The following XKR9 variants were observed in gnomAD, a reference collection of about 807,000 sequenced individuals.
XKR9 encodes XK related 9, also known as XK-related protein 9.
A neutral mutation model predicts 32.0 loss-of-function variants in XKR9; 32 were observed. The ratio of observed to expected loss-of-function variants is 1.00; its 90% confidence interval spans 0.76 to 1.34. XKR9 has a LOEUF of 1.34. Among genes scored for constraint, XKR9 ranks in the 40% most tolerant of loss-of-function variants. XKR9 has a pLI of 0.00. For synonymous variants in XKR9, 168 were observed against 143.4 expected (o/e 1.17, Z -1.22); for missense variants, 546 against 429.7 (o/e 1.27, Z -2.39).
chr8:70,937,196 A>G, the XKR9 span, among the ~76,000 whole-genome samples: 1 of 152,026 alleles, frequency 6.6e-6, no homozygotes, highest in Non-Finnish European at 1.5e-5. Context: ...TTAGGAGATA[A>G]AACCTGTTTT....
rs12681420 is a variant in XKR9 at position 70,680,963 on chromosome 8, A to G, written c.-96A>G. The G allele has an allele frequency of 0.38, 430,792 of 1,144,236 alleles. 87,573 individuals are homozygous for G. Among genetic ancestry groups the G allele is most frequent in the Non-Finnish European group, 0.42 (345,747 of 814,232 alleles). The allele number at this position is 1,144,236 out of a possible 1,614,324, so 70.9% of individuals were successfully genotyped here. ...TTTAGGGAGTAGAAATTAAAATTCAATGCTATACCAAAGGGTATACTAATA... is the reference window on the plus strand; with the variant it reads ...TTTAGGGAGTAGAAATTAAAATTCAGTGCTATACCAAAGGGTATACTAATA... On this transcript the variant is annotated 5_prime_UTR_variant, in exon 3 of 5. It removes an upstream start codon present in the reference 5' UTR. Transcript: ENST00000408926.
intron 4 of XKR9, among the ~76,000 whole-genome samples, chr8:70,720,170 A>C (rs954750325): frequency 5.3e-5 from 8 of 152,212 alleles, no homozygotes; most frequent in Non-Finnish European, 1.0e-4. Context: ...ACTTTGCTGA[A>C]GTTGCTTATC....
In XKR9 at chr8:70,734,715, C is replaced by G. The variant is rs779796254; in HGVS notation, c.*291C>G. 1 of 216,882 alleles carries G rather than the reference C, an allele frequency of 4.6e-6. No homozygotes were observed. The highest frequency in any genetic ancestry group is 2.4e-5 in the African/African-American group (1 of 42,550). 13.4% of individuals were successfully genotyped at this position (216,882 alleles called of 1,614,324 possible). A position where few individuals can be genotyped will look rare whatever the true frequency, so the allele number is the denominator to read the frequency against. On this transcript the variant is annotated 3_prime_UTR_variant, in exon 5 of 5. Transcript: ENST00000408926. ...ATGAGAAGGCTGGAATTGAGCTTCCCTCCCATTTTCCTTGTTCCTGAACTA... is the reference window on the plus strand; with the variant it reads ...ATGAGAAGGCTGGAATTGAGCTTCCGTCCCATTTTCCTTGTTCCTGAACTA...
the XKR9 span, among the ~76,000 whole-genome samples, chr8:70,966,144 C>G: frequency 6.6e-6 from 1 of 152,120 alleles, no homozygotes; most frequent in African/African-American, 2.4e-5. Flanking sequence ...CAAAGAACTT[C>G]TTGATTTCTG....
At chr8:70,675,932 G>C (rs1818870597) in intron 2 of XKR9, among the ~76,000 whole-genome samples, 1 of 152,046 alleles carries the variant, frequency 6.6e-6, no homozygotes, top group Non-Finnish European at 1.5e-5. Context: ...CATGTTTTCA[G>C]GTATCTTTAT....
intron 2 of XKR9, among the ~76,000 whole-genome samples, chr8:70,768,073 C>G (rs1005646283): frequency 6.6e-6 from 1 of 152,154 alleles, no homozygotes; most frequent in Non-Finnish European, 1.5e-5. Flanking sequence ...TATAAATTTC[C>G]CACTAAACAC....
At chr8:70,688,422 T>C (rs1819382418) in intron 3 of XKR9, among the ~76,000 whole-genome samples, 1 of 137,538 alleles carries the variant, frequency 7.3e-6, no homozygotes, top group Non-Finnish European at 1.7e-5. Flanking sequence ...ACAGGCCACA[T>C]TTTTTTTTTT....
chr8:71,056,418 A>G, the XKR9 span, among the ~76,000 whole-genome samples: 14 of 152,214 alleles, frequency 9.2e-5, no homozygotes. Flanking sequence ...GGCAATATTA[A>G]TGGCTATAAT....
the XKR9 span, among the ~76,000 whole-genome samples, chr8:70,867,481 CT>C: frequency 1.3e-5 from 2 of 152,074 alleles, no homozygotes; most frequent in Non-Finnish European, 2.9e-5. Context: ...GAGATGAAGT[CT>C]CCTCAGTTGC....
the XKR9 span, among the ~76,000 whole-genome samples, chr8:70,795,864 C>A: frequency 6.6e-6 from 1 of 151,486 alleles, no homozygotes; most frequent in African/African-American, 2.4e-5. Flanking sequence ...TGTTTAAGTT[C>A]CTTATAGATG....
chr8:70,872,171 A>G, the XKR9 span, among the ~76,000 whole-genome samples: 1 of 152,250 alleles, frequency 6.6e-6, no homozygotes, highest in African/African-American at 2.4e-5. Flanking sequence ...ATTAAAAGTG[A>G]TACTCCAGTG....
the XKR9 span, among the ~76,000 whole-genome samples, chr8:70,851,389 A>G: frequency 6.6e-6 from 1 of 152,246 alleles, no homozygotes. Context: ...TGCTATTCCC[A>G]TAAAGCTACC....
At chr8:70,997,421 T>C in the XKR9 span, among the ~76,000 whole-genome samples, 1 of 152,364 alleles carries the variant, frequency 6.6e-6, no homozygotes, top group East Asian at 1.9e-4. Context: ...TTTTTATGTT[T>C]TTCCCTTGGT....
chr8:70,881,684 A>G, the XKR9 span, among the ~76,000 whole-genome samples: 2 of 152,220 alleles, frequency 1.3e-5, no homozygotes, highest in Non-Finnish European at 2.9e-5. Context: ...AAACTAGTTC[A>G]ACCATTGTGG....
At chr8:70,973,701 CTT>C in the XKR9 span, among the ~76,000 whole-genome samples, 13 of 152,282 alleles carry the variant, frequency 8.5e-5, no homozygotes, top group African/African-American at 2.9e-4. Flanking sequence ...AAATCTCCAT[CTT>C]GATTTCATCA....
chr8:70,740,562 T>G (rs1369296871), downstream of XKR9, among the ~76,000 whole-genome samples: 1 of 133,398 alleles, frequency 7.5e-6, no homozygotes, highest in Admixed American at 7.3e-5. Context: ...AGTTTCCAGT[T>G]TTTCTGCTCT....
chr8:70,713,759 G>A (rs1467737038), intron 4 of XKR9, among the ~76,000 whole-genome samples: 1 of 152,034 alleles, frequency 6.6e-6, no homozygotes, highest in Non-Finnish European at 1.5e-5. Flanking sequence ...TAGGAGAAAG[G>A]TAAAGCAAAG....
rs1807701381 is a variant in XKR9, at chr8:70,787,308, A to G, written n.353-2031A>G. On this transcript the variant is annotated intron_variant and non_coding_transcript_variant, in intron 2 of 3. Coordinates refer to the XKR9 transcript ENST00000520273. ...TTTTAAATATGTTTCTCTAAAAGTA[A>G]CCCTGGAGAAAATTTTAGGGGATAA... Among the ~76,000 whole-genome samples the G allele has an allele frequency of 1.3e-5, 2 of 152,136 alleles. 1 individual carries two copies. Among genetic ancestry groups the G allele is most frequent in the South Asian group, 4.1e-4 (2 of 4,830 alleles).
chr8:71,041,257 G>A, the XKR9 span, among the ~76,000 whole-genome samples: 1 of 152,110 alleles, frequency 6.6e-6, no homozygotes, highest in East Asian at 1.9e-4. Context: ...AATTCTGCTT[G>A]TAATTATTTT....
Sources: gnomAD v4.1 joint callset for allele counts (sites outside exome capture counted in the v4.1 genomes callset) on GRCh38, gnomAD v4.1.1 for gene constraint, MANE v1.5 for transcripts, NCBI Gene and HGNC (gene_info 2026-07-23, HGNC 2026-07-21) for gene names.